Variants in MIPOL1 observed in about 807,000 individuals in gnomAD.
The protein encoded by MIPOL1 is mirror-image polydactyly 1.
MIPOL1 carries 57 observed loss-of-function variants against 60.9 expected under a neutral mutation model. That is an observed-to-expected ratio of 0.94 (90% CI 0.76 to 1.17). The LOEUF is 1.17. Among genes scored for constraint, MIPOL1 ranks in the 50% most tolerant of loss-of-function variants. The pLI is 0.00. For synonymous variants in MIPOL1, 179 were observed against 168.8 expected (o/e 1.06, Z -0.47); for missense variants, 551 against 511.6 (o/e 1.08, Z -0.74).
In MIPOL1 at chr14:37,247,915, C is replaced by A; in HGVS notation, c.19+8C>A. The A allele has an allele frequency of 6.2e-7, 1 of 1,612,808 alleles. No individual in the cohort carries two copies. The stretch of plus-strand genomic sequence containing the variant: ...TGGAGAACTGGTCAAAAGGTAAGGA[C>A]TTTTAAGGTATTAATACCAAGCCCC... On this transcript the variant is annotated splice_region_variant and intron_variant, in intron 3 of 12. Transcript: ENST00000684589.
In MIPOL1 at chr14:37,452,637, G is replaced by T. The variant is rs559606490; in HGVS notation, c.1031+29688G>T. Among the ~76,000 whole-genome samples the T allele has an allele frequency of 1.5e-4, 23 of 152,302 alleles. No homozygotes were observed. In the South Asian group the frequency reaches 4.8e-3, roughly 32 times the overall value. ...TAGCCAGCTGAAAACTGTTCTCATA[G>T]TTGTTATCTTTATTGTCAGAAAGAA... On this transcript the variant is annotated intron_variant, in intron 11 of 12. Transcript: ENST00000684589.
chr14:37,301,448 A>G lies in MIPOL1; in HGVS notation c.624-6608A>G, dbSNP rs2086294688. 1.2e-4 allele frequency among the ~76,000 whole-genome samples: 2 copies of G among 16,064 alleles called. 1 individual carries two copies. The highest frequency in any genetic ancestry group is 1.6e-4 in the African/African-American group (2 of 12,770). 10.5% of individuals were successfully genotyped at this position (16,064 alleles called of 152,430 possible). A position where few individuals can be genotyped will look rare whatever the true frequency, so the allele number is the denominator to read the frequency against. On this transcript the variant is annotated intron_variant, in intron 7 of 12. Transcript: ENST00000684589. ...CTGTACCTCCATGAGAAATAACTTT[A>G]GCAATGAGAATATATTATGTATAGT... is the stretch of plus-strand genomic sequence containing the variant.
intron 11 of MIPOL1, among the ~76,000 whole-genome samples, chr14:37,475,668 GA>G (rs199798229): frequency 3.3e-5 from 5 of 150,244 alleles, no homozygotes; most frequent in African/African-American, 4.9e-5. Context: ...ACTATTTGTT[GA>G]AAAAAAAAGA....
At chr14:37,277,551 T>C (rs2083767677) in intron 6 of MIPOL1, 1 of 151,286 alleles carries the variant, frequency 6.6e-6, no homozygotes. Context: ...TAAATACATG[T>C]GTATAGTAAT....
chr14:37,504,555 C>G (rs1195854817), intron 12 of MIPOL1: 1 of 151,992 alleles, frequency 6.6e-6, no homozygotes, highest in African/African-American at 2.4e-5. Context: ...TCTTTGAAAC[C>G]AATGAGAACA....
chr14:37,234,406 G>A (rs1387619357), intron 1 of MIPOL1, among the ~76,000 whole-genome samples: 1 of 148,544 alleles, frequency 6.7e-6, no homozygotes, highest in Non-Finnish European at 1.5e-5. Flanking sequence ...GCCCTGGCTG[G>A]CCTCGAACTC....
At chr14:37,340,289 A>G (rs1477226054) in intron 9 of MIPOL1, among the ~76,000 whole-genome samples, 1 of 152,248 alleles carries the variant, frequency 6.6e-6, no homozygotes, top group African/African-American at 2.4e-5. Context: ...TGAAGACTAG[A>G]AAAAGCTTAT....
intron 11 of MIPOL1, among the ~76,000 whole-genome samples, chr14:37,426,437 C>T (rs936074077): frequency 3.3e-5 from 5 of 150,786 alleles, no homozygotes; most frequent in Admixed American, 6.6e-5. Context: ...GGTGTAGTGG[C>T]GGACACCTGT....
intron 3 of MIPOL1, among the ~76,000 whole-genome samples, chr14:37,255,608 G>A (rs1016843777): frequency 6.6e-6 from 1 of 151,504 alleles, no homozygotes; most frequent in Non-Finnish European, 1.5e-5. Flanking sequence ...ATCTTTTTGG[G>A]ATAATTTCAG....
At chr14:37,295,376 C>T (rs560512101) in intron 7 of MIPOL1, among the ~76,000 whole-genome samples, 1 of 152,174 alleles carries the variant, frequency 6.6e-6, no homozygotes, top group Non-Finnish European at 1.5e-5. Flanking sequence ...ACCATCAAGG[C>T]TAGGAAGAAA....
At chr14:37,304,354 C>G (rs184133328) in intron 7 of MIPOL1, among the ~76,000 whole-genome samples, 29 of 151,474 alleles carry the variant, frequency 1.9e-4, no homozygotes, top group African/African-American at 7.0e-4. Flanking sequence ...TTATCAAAAA[C>G]TAGGGAAAAA....
intron 2 of MIPOL1, 55 bp from the exon 3 acceptor site, chr14:37,247,774 G>A (rs1037296320): frequency 1.3e-5 from 12 of 929,014 alleles, no homozygotes; most frequent in Admixed American, 6.7e-5. Context: ...TAAGATTTAG[G>A]TGTGTTCTGA....
At chr14:37,234,113 A>G (rs147139411) in intron 1 of MIPOL1, among the ~76,000 whole-genome samples, 46 of 152,286 alleles carry the variant, frequency 3.0e-4, no homozygotes, top group Middle Eastern at 3.4e-3. Context: ...TCTGGGTACA[A>G]TGGTTTTGGC....
At chr14:37,492,797 G>T (rs2095063907) in intron 11 of MIPOL1, among the ~76,000 whole-genome samples, 1 of 152,002 alleles carries the variant, frequency 6.6e-6, no homozygotes, top group African/African-American at 2.4e-5. Context: ...CTCTGTTGTA[G>T]GAATCTATCC....
chr14:37,433,775 C>A (rs1443625345), intron 11 of MIPOL1, among the ~76,000 whole-genome samples: 1 of 152,070 alleles, frequency 6.6e-6, no homozygotes, highest in Non-Finnish European at 1.5e-5. Context: ...AGGCTGGTCT[C>A]AAACTCCTTA....
At chr14:37,494,511 A>G (rs1043598019) in intron 11 of MIPOL1, among the ~76,000 whole-genome samples, 4 of 152,154 alleles carry the variant, frequency 2.6e-5, no homozygotes, top group Non-Finnish European at 5.9e-5. Flanking sequence ...CACGCTTGAG[A>G]ATCTGAATGC....
intron 10 of MIPOL1, among the ~76,000 whole-genome samples, chr14:37,393,214 C>A (rs933671074): frequency 1.3e-5 from 2 of 152,040 alleles, no homozygotes; most frequent in Admixed American, 1.3e-4. Context: ...GTGCTGACAC[C>A]TTGATTTTGA....
chr14:37,522,915 G>A (rs536948399), intron 12 of MIPOL1, among the ~76,000 whole-genome samples: 1 of 151,954 alleles, frequency 6.6e-6, no homozygotes, highest in South Asian at 2.1e-4. Context: ...TCTTACTTAG[G>A]GAGTGAAACT....
At chr14:37,257,135 GA>G (rs1975101304) in intron 3 of MIPOL1, among the ~76,000 whole-genome samples, 1 of 146,630 alleles carries the variant, frequency 6.8e-6, no homozygotes, top group African/African-American at 2.5e-5. Flanking sequence ...GTGTGTGTTT[GA>G]GAAACAAATG....
Sources: allele counts gnomAD v4.1 joint callset (sites outside exome capture counted in the v4.1 genomes callset), GRCh38; gene constraint gnomAD v4.1.1; transcripts MANE v1.5; gene names NCBI Gene and HGNC (gene_info 2026-07-23, HGNC 2026-07-21).